USP28: variants seen among roughly 807,000 people sequenced by gnomAD.
USP28 encodes ubiquitin specific peptidase 28.
Under a neutral mutation model 145.0 loss-of-function variants are expected in USP28, and 113 were observed. The ratio of observed to expected loss-of-function variants is 0.78; its 90% CI spans 0.67 to 0.91. The LOEUF (loss-of-function observed/expected upper bound fraction) is 0.91, where lower values mean the gene tolerates loss of function less well. Among genes scored for constraint, USP28 ranks in the 40% least tolerant of loss-of-function variants. USP28 has a pLI of 0.00. For missense variants in USP28, 1,201 were observed against 1,289.6 expected, an observed-to-expected ratio of 0.93 and a Z score of 1.05; for synonymous variants, 447 against 450.9, an observed-to-expected ratio of 0.99 and a Z score of 0.11.
chr11:113,814,858 G>T (rs1941480472), intron 14 of USP28, among the ~76,000 whole-genome samples: 1 of 150,384 alleles, frequency 6.6e-6, no homozygotes, highest in Non-Finnish European at 1.5e-5. Context: ...AGACCAGCCT[G>T]ACCAACATGG....
intron 2 of USP28, among the ~76,000 whole-genome samples, chr11:113,853,455 C>CA (rs751524053): frequency 6.6e-6 from 1 of 152,050 alleles, no homozygotes; most frequent in Non-Finnish European, 1.5e-5. Flanking sequence ...TCATCTTCAA[C>CA]AATTACCTAG....
At chr11:113,808,184 A>G in intron 18 of USP28, 48 bp from the exon 19 acceptor site, 1 of 1,530,458 alleles carries the variant, frequency 6.5e-7, no homozygotes, top group Non-Finnish European at 8.7e-7. Flanking sequence ...CAGGAGAAAT[A>G]AATAGGGGTT....
At chr11:113,855,616 C>T (rs1392213091) in intron 1 of USP28, among the ~76,000 whole-genome samples, 1 of 152,100 alleles carries the variant, frequency 6.6e-6, no homozygotes. Flanking sequence ...ACTGAAACAT[C>T]CCTCTAAAGT....
intron 1 of USP28, among the ~76,000 whole-genome samples, chr11:113,868,010 C>G (rs933835590): frequency 6.6e-6 from 1 of 152,110 alleles, no homozygotes; most frequent in African/African-American, 2.4e-5. Context: ...TTTTGTGTGT[C>G]TGATATTTTG....
chr11:113,847,518 T>C (rs984021982), intron 3 of USP28, among the ~76,000 whole-genome samples: 10 of 152,178 alleles, frequency 6.6e-5, no homozygotes, highest in Non-Finnish European at 1.5e-4. Flanking sequence ...ACATACTTAA[T>C]GTTCTAATTT....
At position 113,823,702 on chromosome 11, in the gene USP28, T is replaced by C. The variant is rs767322473; in HGVS notation, c.1188-2A>G. ...AGCTCCTTGCTCCTGTACATGTACC[T>C]AAGTAAATAATCCCACAAACACAAT... On this transcript the variant is annotated splice_acceptor_variant, in intron 11 of 24. Transcript: ENST00000003302. LOFTEE classifies it high-confidence loss of function. The C allele has an allele frequency of 1.3e-6, 2 of 1,593,444 alleles. No homozygotes were observed. The highest frequency in any genetic ancestry group is 1.3e-5 in the African/African-American group (1 of 74,200).
chr11:113,872,766 C>G (rs376311268), intron 1 of USP28, among the ~76,000 whole-genome samples: 1 of 152,222 alleles, frequency 6.6e-6, no homozygotes, highest in East Asian at 1.9e-4. Flanking sequence ...AGTTGTTTCT[C>G]CTGTAATAAC....
chr11:113,822,070 G>C (rs985998375), intron 12 of USP28, among the ~76,000 whole-genome samples: 2 of 152,152 alleles, frequency 1.3e-5, no homozygotes, highest in Non-Finnish European at 2.9e-5. Flanking sequence ...GTTGTCTCCT[G>C]GTAAATTGGT....
chr11:113,807,862 C>G, intron 18 of USP28, 89 bp downstream of exon 19: 1 of 868,514 alleles, frequency 1.2e-6, no homozygotes, highest in Non-Finnish European at 1.4e-6. Context: ...GAGAAAATAT[C>G]AGCTATTGGC....
At chr11:113,819,949 C>A (rs562075316) in intron 12 of USP28, among the ~76,000 whole-genome samples, 2 of 152,290 alleles carry the variant, frequency 1.3e-5, no homozygotes, top group African/African-American at 2.4e-5. Flanking sequence ...GAACTCCTGA[C>A]CTCAAGTGAT....
In USP28 at chr11:113,835,463, C is replaced by T. The variant is rs1944460879; in HGVS notation, c.535-1128G>A. The T allele has an allele frequency of 9.9e-6, 4 of 403,780 alleles. No homozygotes were observed. The Admixed American group carries it at 1.2e-4, about 12-fold the overall frequency. The allele number at this position is 403,780 out of a possible 1,614,324, so 25.0% of individuals were successfully genotyped here. A position where few individuals can be genotyped will look rare whatever the true frequency, so the allele number is the denominator to read the frequency against. On this transcript the variant is annotated intron_variant, in intron 5 of 24. Coordinates refer to ENST00000003302, the Ensembl canonical transcript of USP28. ...GGTACTGACTAGAGCCCACGTGCAC[C>T]TCTCTGGCTTCCCTCACTCTAACAC...
intron 3 of USP28, among the ~76,000 whole-genome samples, chr11:113,847,395 C>A (rs1324898833): frequency 5.6e-5 from 7 of 124,408 alleles, no homozygotes; most frequent in African/African-American, 1.9e-4. Context: ...TGTGTGAAAA[C>A]TGACATAACA....
intron 1 of USP28, among the ~76,000 whole-genome samples, chr11:113,865,859 G>A (rs541790777): frequency 6.6e-6 from 1 of 152,348 alleles, no homozygotes; most frequent in African/African-American, 2.4e-5. Flanking sequence ...AGGCATGGTG[G>A]TGTGTACCTG....
intron 1 of USP28, among the ~76,000 whole-genome samples, chr11:113,866,657 T>C (rs1427307653): frequency 6.6e-6 from 1 of 152,190 alleles, no homozygotes; most frequent in African/African-American, 2.4e-5. Flanking sequence ...AAGTGTTTGA[T>C]GAGAAAAGAG....
At chr11:113,868,210 C>G (rs539419931) in intron 1 of USP28, among the ~76,000 whole-genome samples, 44 of 152,224 alleles carry the variant, frequency 2.9e-4, no homozygotes, top group Admixed American at 2.0e-3. Context: ...AAATTGTTAG[C>G]AAAATGAAGA....
At chr11:113,863,039 A>G (rs1947869393) in intron 1 of USP28, among the ~76,000 whole-genome samples, 1 of 152,196 alleles carries the variant, frequency 6.6e-6, no homozygotes, top group Non-Finnish European at 1.5e-5. Context: ...TTTAAGCCAG[A>G]GCAACCAGGC....
At chr11:113,867,834 GAA>G in intron 1 of USP28, among the ~76,000 whole-genome samples, 1 of 95,838 alleles carries the variant, frequency 1.0e-5, no homozygotes, top group African/African-American at 4.2e-5. Flanking sequence ...AGGGAGGGAG[GAA>G]GAAAGGGAGG....
At chr11:113,834,047 C>T (rs1263150163) in intron 6 of USP28, among the ~76,000 whole-genome samples, 2 of 152,200 alleles carry the variant, frequency 1.3e-5, no homozygotes, top group Non-Finnish European at 2.9e-5. Flanking sequence ...CTGTTTTTCT[C>T]ATTTTACTCC....
intron 3 of USP28, among the ~76,000 whole-genome samples, chr11:113,845,130 AAAC>A (rs1945677171): frequency 6.6e-6 from 1 of 150,936 alleles, no homozygotes. Flanking sequence ...AAAAAAAAAA[AAAC>A]AACAAAATAA....
Sources: allele counts gnomAD v4.1 joint callset (sites outside exome capture counted in the v4.1 genomes callset), GRCh38; gene constraint gnomAD v4.1.1; transcripts MANE v1.5; gene names NCBI Gene and HGNC (gene_info 2026-07-23, HGNC 2026-07-21).